FUT8: variants seen among roughly 807,000 people sequenced by gnomAD.
FUT8 encodes alpha-(1,6)-fucosyltransferase.
FUT8 carries 29 observed loss-of-function variants against 71.3 expected under a neutral mutation model. The observed-to-expected ratio is 0.41, with a 90% CI of 0.30 to 0.55. The LOEUF (loss-of-function observed/expected upper bound fraction) is 0.55. Among genes scored for constraint, FUT8 ranks in the 20% least tolerant of loss-of-function variants. FUT8 has a pLI of 0.34. For synonymous variants in FUT8, 254 were observed against 239.3 expected, an observed-to-expected ratio of 1.06 and a Z score of -0.57; for missense variants, 544 against 702.1, an observed-to-expected ratio of 0.77 and a Z score of 2.55.
At chr14:65,532,603 G>T (rs554150740) in intron 2 of FUT8, among the ~76,000 whole-genome samples, 2 of 152,202 alleles carry the variant, frequency 1.3e-5, no homozygotes, top group African/African-American at 4.8e-5. Context: ...TGTTTTCTCT[G>T]TCGATAGTTT....
the FUT8 span, among the ~76,000 whole-genome samples, chr14:65,385,853 G>A: frequency 4.0e-5 from 6 of 151,828 alleles, no homozygotes; most frequent in Non-Finnish European, 4.4e-5. Context: ...ATTATATTTC[G>A]CATTTTAAGA....
At chr14:65,535,032 A>G (rs2139930137) in intron 2 of FUT8, among the ~76,000 whole-genome samples, 1 of 150,964 alleles carries the variant, frequency 6.6e-6, no homozygotes, top group East Asian at 1.9e-4. Context: ...GAGATCTAAT[A>G]TATATGTATA....
chr14:65,544,860 A>G (rs1363499396), intron 2 of FUT8, among the ~76,000 whole-genome samples: 3 of 152,106 alleles, frequency 2.0e-5, no homozygotes, highest in Non-Finnish European at 4.4e-5. Flanking sequence ...TAAGTAATGA[A>G]TGAAAATCAA....
At chr14:65,523,872 C>T (rs528779655) in intron 2 of FUT8, among the ~76,000 whole-genome samples, 6 of 152,172 alleles carry the variant, frequency 3.9e-5, no homozygotes, top group Non-Finnish European at 8.8e-5. Context: ...TTGTCAAGAT[C>T]AGATGGTTGT....
chr14:65,468,360 G>T, intron 2 of FUT8: 1 of 546,232 alleles, frequency 1.8e-6, no homozygotes, highest in Non-Finnish European at 3.4e-6. Flanking sequence ...CGAATTACTG[G>T]AAGATGGTGG....
chr14:65,518,392 A>G (rs565850875), intron 2 of FUT8, among the ~76,000 whole-genome samples: 95 of 152,240 alleles, frequency 6.2e-4, no homozygotes, highest in African/African-American at 2.2e-3. Context: ...GTAAAGACTC[A>G]TTACTTTGTA....
At chr14:65,481,743 CTG>C (rs1421136299) in intron 2 of FUT8, among the ~76,000 whole-genome samples, 1 of 151,942 alleles carries the variant, frequency 6.6e-6, no homozygotes, top group Non-Finnish European at 1.5e-5. Context: ...CTGTCCATTC[CTG>C]TGTTTATTTA....
the FUT8 span, among the ~76,000 whole-genome samples, chr14:65,395,128 C>T: frequency 8.5e-4 from 130 of 152,328 alleles, no homozygotes; most frequent in Non-Finnish European, 1.4e-3. Flanking sequence ...TAGGCTCCCA[C>T]GGTCTTGGGC....
chr14:65,458,643 A>G (rs137996642), intron 2 of FUT8, among the ~76,000 whole-genome samples: 61 of 152,302 alleles, frequency 4.0e-4, no homozygotes, highest in African/African-American at 1.4e-3. Context: ...ACTTACTGCA[A>G]CTTTAAATTG....
intron 1 of FUT8, among the ~76,000 whole-genome samples, chr14:65,422,293 G>A (rs563473546): frequency 6.6e-6 from 1 of 152,052 alleles, no homozygotes; most frequent in African/African-American, 2.4e-5. Context: ...AGGCTTGGGG[G>A]TTTGTAGCAT....
chr14:65,733,091 A>G, intron 9 of FUT8, 140 bp from the exon 10 acceptor site: 1 of 506,770 alleles, frequency 2.0e-6, no homozygotes, highest in Non-Finnish European at 3.4e-6. Context: ...GACTTCAAAT[A>G]TGTCTCATCA....
At chr14:65,692,574 C>T (rs1424239134) in intron 7 of FUT8, among the ~76,000 whole-genome samples, 8 of 150,150 alleles carry the variant, frequency 5.3e-5, no homozygotes, top group Non-Finnish European at 1.0e-4. Context: ...CCCGCACCTC[C>T]CTCCCGGACG....
chr14:65,363,020 A>AT, the FUT8 span, among the ~76,000 whole-genome samples: 4 of 151,490 alleles, frequency 2.6e-5, no homozygotes, highest in East Asian at 7.7e-4. Context: ...AGACTCAAAA[A>AT]AAAAAAGAAC....
At chr14:65,530,354 A>G (rs1407750635) in intron 2 of FUT8, among the ~76,000 whole-genome samples, 1 of 152,146 alleles carries the variant, frequency 6.6e-6, no homozygotes, top group Admixed American at 6.5e-5. Flanking sequence ...TCAATGTCAG[A>G]TCATCAGTTG....
chr14:65,620,935 T>TA (rs1018433809), intron 5 of FUT8, among the ~76,000 whole-genome samples: 2 of 152,212 alleles, frequency 1.3e-5, no homozygotes, highest in African/African-American at 4.8e-5. Context: ...GCTCATCACT[T>TA]AGTCTCTATC....
intron 3 of FUT8, among the ~76,000 whole-genome samples, chr14:65,582,944 A>C (rs1392025675): frequency 6.6e-6 from 1 of 152,158 alleles, no homozygotes; most frequent in Admixed American, 6.5e-5. Flanking sequence ...CTTTGATCCC[A>C]CTTATTACTT....
chr14:65,387,780 T>A, the FUT8 span, among the ~76,000 whole-genome samples: 1 of 152,248 alleles, frequency 6.6e-6, no homozygotes. Flanking sequence ...TCATGTTGCA[T>A]GTTGTCCAAC....
chr14:65,653,989 A>G (rs938451756), intron 6 of FUT8, among the ~76,000 whole-genome samples: 21 of 152,244 alleles, frequency 1.4e-4, no homozygotes, highest in African/African-American at 4.6e-4. Flanking sequence ...ACAAAAAATG[A>G]TGACAGAAGG....
upstream of FUT8, among the ~76,000 whole-genome samples, chr14:65,408,820 G>C (rs1287278455): frequency 1.3e-5 from 2 of 152,116 alleles, no homozygotes; most frequent in Admixed American, 1.3e-4. Context: ...TAAGGAGCTG[G>C]CTCAAAAGTG....
Sources: allele counts gnomAD v4.1 joint callset (sites outside exome capture counted in the v4.1 genomes callset), GRCh38; gene constraint gnomAD v4.1.1; transcripts MANE v1.5; gene names NCBI Gene and HGNC (gene_info 2026-07-23, HGNC 2026-07-21).